COLEC10: variants seen among roughly 807,000 people sequenced by gnomAD.
The protein encoded by COLEC10 is collectin subfamily member 10, also known as collectin-10.
COLEC10 carries 22 observed loss-of-function variants against 28.4 expected under a neutral mutation model. The observed-to-expected ratio is 0.78, with a 90% CI of 0.55 to 1.11. The LOEUF (loss-of-function observed/expected upper bound fraction) is 1.11, where lower values mean the gene tolerates loss of function less well. Among genes scored for constraint, COLEC10 ranks in the 50% least tolerant of loss-of-function variants. The pLI is 0.00. For synonymous variants in COLEC10, 125 were observed against 116.1 expected (o/e 1.08, Z -0.49); for missense variants, 361 against 344.1 (o/e 1.05, Z -0.39).
chr8:119,058,585 T>C (rs575713720), intron 2 of COLEC10, among the ~76,000 whole-genome samples: 36 of 152,250 alleles, frequency 2.4e-4, no homozygotes, highest in African/African-American at 8.2e-4. Context: ...GCCATCTATG[T>C]TGCATGTATC....
the COLEC10 span, among the ~76,000 whole-genome samples, chr8:118,976,075 C>T: frequency 1.3e-5 from 2 of 151,972 alleles, no homozygotes; most frequent in South Asian, 2.1e-4. Flanking sequence ...GTTTGAAATA[C>T]CTTAATTACA....
intron 1 of COLEC10, among the ~76,000 whole-genome samples, chr8:118,998,359 T>A (rs1356069354): frequency 6.6e-6 from 1 of 152,154 alleles, no homozygotes; most frequent in Admixed American, 6.6e-5. Context: ...TTCAATTGGC[T>A]CTATTCCTAT....
In COLEC10 at chr8:119,074,475, C is replaced by T. The variant is rs1815186997; in HGVS notation, c.148+7046C>T. On this transcript the variant is annotated intron_variant, in intron 1 of 5. Coordinates refer to ENST00000332843, the MANE Select transcript of COLEC10 (RefSeq NM_006438.5). Reference sequence around the variant, plus strand: ...AATACAATGGAGATCATATTGCCCACCTCAAATGCTTATTTTGAAAATTGA... The same window carrying T: ...AATACAATGGAGATCATATTGCCCATCTCAAATGCTTATTTTGAAAATTGA... 3.3e-5 allele frequency among the ~76,000 whole-genome samples: 5 copies of T among 152,044 alleles called. No individual in the cohort carries two copies. The South Asian group carries it at 1.0e-3, about 32-fold the overall frequency.
chr8:118,978,486 A>C, the COLEC10 span, among the ~76,000 whole-genome samples: 1 of 152,106 alleles, frequency 6.6e-6, no homozygotes, highest in East Asian at 1.9e-4. Flanking sequence ...CCAATAAATG[A>C]CAGCCTGTCA....
chr8:119,102,285 C>G (rs1815847662), intron 3 of COLEC10, 63 bp from the exon 4 acceptor site: 4 of 858,588 alleles, frequency 4.7e-6, no homozygotes, highest in Admixed American at 2.3e-5. Context: ...TCCTTCCTTC[C>G]TTTTTTCCTT....
At chr8:119,093,939 G>C (rs952696402) in intron 3 of COLEC10, among the ~76,000 whole-genome samples, 1 of 152,292 alleles carries the variant, frequency 6.6e-6, no homozygotes, top group Non-Finnish European at 1.5e-5. Context: ...GTTTTGGAGT[G>C]GATACAAGAA....
At chr8:119,101,620 A>G (rs558905827) in intron 3 of COLEC10, among the ~76,000 whole-genome samples, 1 of 152,316 alleles carries the variant, frequency 6.6e-6, no homozygotes, top group Admixed American at 6.5e-5. Context: ...ATGACTTTGT[A>G]TTATTAGTAT....
At chr8:119,026,457 A>G (rs1259460735) in intron 2 of COLEC10, among the ~76,000 whole-genome samples, 1 of 152,104 alleles carries the variant, frequency 6.6e-6, no homozygotes, top group Non-Finnish European at 1.5e-5. Context: ...AATCCCAGCT[A>G]CTTGGGAGGC....
the COLEC10 span, among the ~76,000 whole-genome samples, chr8:118,961,492 G>C: frequency 6.6e-6 from 1 of 152,178 alleles, no homozygotes; most frequent in Non-Finnish European, 1.5e-5. Flanking sequence ...TTCAGGCGCT[G>C]GCCTTCTCTG....
At chr8:119,060,222 C>A (rs1814830708) in intron 2 of COLEC10, among the ~76,000 whole-genome samples, 1 of 151,920 alleles carries the variant, frequency 6.6e-6, no homozygotes, top group African/African-American at 2.4e-5. Flanking sequence ...GAGGAGCAAC[C>A]AAAAAGTGTT....
At chr8:118,972,330 G>A in the COLEC10 span, among the ~76,000 whole-genome samples, 4 of 151,914 alleles carry the variant, frequency 2.6e-5, no homozygotes, top group South Asian at 2.1e-4. Flanking sequence ...TCTTGGCTCC[G>A]AGAGCTACTT....
chr8:118,986,561 T>A, the COLEC10 span, among the ~76,000 whole-genome samples: 1 of 151,988 alleles, frequency 6.6e-6, no homozygotes, highest in Admixed American at 6.6e-5. Context: ...ATTATAAAAT[T>A]GAAAGTAATG....
chr8:119,105,893 G>C lies in COLEC10; in HGVS notation c.536G>C (p.Arg179Pro), dbSNP rs372901535. Residue 179 changes from arginine (R) to proline (P), a missense_variant, in exon 6 of 6, where the codon CGG becomes CCG. Arg to Pro is a moderately radical substitution (Grantham distance 103). Transcript: ENST00000332843. The stretch of plus-strand genomic sequence containing the variant: ...GAATCCCTAACCCACTGCAGGATTC[G>C]GGGTGGAATGCTAGCCATGCCCAAG... ...YRESLTHCRI[R>P]GGMLAMPKDE... 9 of 1,613,682 alleles carry C rather than the reference G, an allele frequency of 5.6e-6. No homozygotes were observed. Among genetic ancestry groups the C allele is most frequent in the Admixed American group, 1.7e-5 (1 of 59,900 alleles).
At chr8:119,053,260 G>C (rs1409018004) in intron 2 of COLEC10, among the ~76,000 whole-genome samples, 1 of 152,116 alleles carries the variant, frequency 6.6e-6, no homozygotes, top group Non-Finnish European at 1.5e-5. Context: ...GCTGCAGGAA[G>C]AGAGGGTCAA....
chr8:119,082,689 G>T (rs1815392678), intron 1 of COLEC10, among the ~76,000 whole-genome samples: 1 of 152,200 alleles, frequency 6.6e-6, no homozygotes, highest in South Asian at 2.1e-4. Context: ...AAGTTCAACA[G>T]AAGACAAAAA....
intron 2 of COLEC10, among the ~76,000 whole-genome samples, chr8:119,030,052 C>G (rs116599344): frequency 0.015 from 2,210 of 152,200 alleles, 50 homozygotes; most frequent in African/African-American, 0.051. Flanking sequence ...AGCCGAAGTC[C>G]CCTGCAGATT....
intron 2 of COLEC10, among the ~76,000 whole-genome samples, chr8:119,033,519 G>A (rs1402060944): frequency 6.6e-6 from 1 of 152,024 alleles, no homozygotes; most frequent in Non-Finnish European, 1.5e-5. Flanking sequence ...CTAATATCTA[G>A]AATCTACAAG....
the COLEC10 span, among the ~76,000 whole-genome samples, chr8:118,965,047 G>A: frequency 6.6e-6 from 1 of 152,180 alleles, no homozygotes; most frequent in Non-Finnish European, 1.5e-5. Flanking sequence ...AATGTTGAAG[G>A]AAGAGAATGG....
intron 1 of COLEC10, among the ~76,000 whole-genome samples, chr8:119,073,702 G>A (rs1351954): frequency 0.39 from 58,851 of 151,686 alleles, 12,017 homozygotes; most frequent in Non-Finnish European, 0.46. Context: ...AAAAGTGTAG[G>A]TAAAGATGAA....
Sources: gnomAD v4.1 joint callset for allele counts (sites outside exome capture counted in the v4.1 genomes callset) on GRCh38, gnomAD v4.1.1 for gene constraint, MANE v1.5 for transcripts, NCBI Gene and HGNC (gene_info 2026-07-23, HGNC 2026-07-21) for gene names.